The following DNAAF11 variants were observed in gnomAD, a reference collection of about 807,000 sequenced individuals.
DNAAF11 encodes leucine rich repeat containing 6.
Under a neutral mutation model 60.8 loss-of-function variants are expected in DNAAF11, and 45 were observed. That is an observed-to-expected ratio of 0.74 (90% CI 0.58 to 0.95). DNAAF11 has a LOEUF of 0.95. Among genes scored for constraint, DNAAF11 ranks in the 40% least tolerant of loss-of-function variants. DNAAF11 has a pLI of 0.00. For synonymous variants in DNAAF11, 191 were observed against 183.5 expected (o/e 1.04, Z -0.33); for missense variants, 546 against 546.2 (o/e 1.00, Z 0.00).
At chr8:132,643,520 A>T (rs975700133) in intron 3 of DNAAF11, 1 of 396,894 alleles carries the variant, frequency 2.5e-6, no homozygotes, top group Admixed American at 2.9e-5. Context: ...AGTTAATTCA[A>T]AAGACCAGTC....
At chr8:132,663,405 C>T (rs1824321036) in intron 1 of DNAAF11, among the ~76,000 whole-genome samples, 1 of 152,186 alleles carries the variant, frequency 6.6e-6, no homozygotes, top group Non-Finnish European at 1.5e-5. Flanking sequence ...GAGGATAGAG[C>T]AATGCTCCTG....
chr8:132,652,676 C>A (rs886866468), intron 3 of DNAAF11, among the ~76,000 whole-genome samples: 3 of 152,052 alleles, frequency 2.0e-5, no homozygotes, highest in Admixed American at 6.6e-5. Context: ...TCATTCTCAG[C>A]AAACTAACAC....
At chr8:132,637,327 C>A (rs181207756) in intron 4 of DNAAF11, among the ~76,000 whole-genome samples, 3 of 152,158 alleles carry the variant, frequency 2.0e-5, no homozygotes, top group Admixed American at 2.0e-4. Flanking sequence ...GTGAACCTGC[C>A]GGGCACGGTG....
chr8:132,654,326 C>T (rs1563691807), intron 3 of DNAAF11, among the ~76,000 whole-genome samples: 1 of 151,912 alleles, frequency 6.6e-6, no homozygotes, highest in Admixed American at 6.6e-5. Context: ...AACAATAATA[C>T]TTGGAGACAG....
At chr8:132,616,708 A>G (rs1819197424) in intron 7 of DNAAF11, among the ~76,000 whole-genome samples, 1 of 152,198 alleles carries the variant, frequency 6.6e-6, no homozygotes, top group Admixed American at 6.5e-5. Context: ...GATGTCAAAC[A>G]GCTAATTGTT....
intron 7 of DNAAF11, among the ~76,000 whole-genome samples, chr8:132,620,309 A>T (rs1256834186): frequency 6.6e-6 from 1 of 152,126 alleles, no homozygotes; most frequent in Non-Finnish European, 1.5e-5. Context: ...AAAGCTGAAG[A>T]CAAACGACAA....
In DNAAF11 at chr8:132,578,248, G is replaced by T. The variant is rs182009879; in HGVS notation, c.1226+5446C>A. Among the ~76,000 whole-genome samples the T allele has an allele frequency of 3.9e-5, 6 of 152,242 alleles. No homozygotes were observed. The East Asian group carries it at 1.2e-3, about 29-fold the overall frequency. On this transcript the variant is annotated intron_variant, in intron 11 of 11. Coordinates refer to ENST00000620350, the MANE Select transcript of DNAAF11 (RefSeq NM_012472.6). ...GAACTTAGCTAGTACATTGTTATCT[G>T]TGGCACAACTAATTCAGATGTTGTG... is the stretch of plus-strand genomic sequence containing the variant.
chr8:132,603,780 T>C (rs1474127086), intron 10 of DNAAF11, among the ~76,000 whole-genome samples: 2 of 152,078 alleles, frequency 1.3e-5, no homozygotes, highest in African/African-American at 4.8e-5. Context: ...GGGGAGACCT[T>C]TCAGAATGTT....
chr8:132,632,547 C>A (rs1820899098), intron 5 of DNAAF11, among the ~76,000 whole-genome samples, 193 bp downstream of exon 5: 1 of 152,052 alleles, frequency 6.6e-6, no homozygotes, highest in African/African-American at 2.4e-5. Context: ...GGAATTTTTC[C>A]CCCAAGGAAA....
intron 5 of DNAAF11, among the ~76,000 whole-genome samples, chr8:132,628,707 C>T (rs556091179): frequency 2.1e-4 from 32 of 152,234 alleles, no homozygotes; most frequent in African/African-American, 6.3e-4. Flanking sequence ...AGAATGTCTA[C>T]GTTTCTGTTC....
intron 11 of DNAAF11, chr8:132,578,421 G>A (rs146250931): frequency 1.1e-5 from 17 of 1,486,080 alleles, no homozygotes; most frequent in Middle Eastern, 1.7e-4. Flanking sequence ...TGCTTTCCCC[G>A]CCTTAATGTC....
rs78620801 is a variant in DNAAF11, at chr8:132,572,364, A to G, written c.1343T>C (p.Ile448Thr). The G allele has an allele frequency of 1.0e-3, 1,673 of 1,614,042 alleles. 27 individuals are homozygous for G. The East Asian group carries it at 0.034, about 32-fold the overall frequency. Residue 448 changes from isoleucine to threonine, a missense_variant, in exon 12 of 12, where the codon ATA (isoleucine) becomes ACA (threonine). Ile to Thr is a moderately conservative substitution (Grantham distance 89, BLOSUM62 -1). Coordinates refer to ENST00000620350, the MANE Select transcript of DNAAF11 (RefSeq NM_012472.6). The part of the protein sequence containing the change: ...TPRRRPEPKI[I>T]PSEEDPTFED... ...AAAGGTTGGGTCTTCCTCACTTGGT[A>G]TAATTTTGGGTTCAGGTCGTCTTCT...
chr8:132,590,969 T>C (rs543505232), intron 10 of DNAAF11, among the ~76,000 whole-genome samples: 2 of 152,342 alleles, frequency 1.3e-5, no homozygotes, highest in East Asian at 3.9e-4. Context: ...CCATTTTATG[T>C]GTGCACTATC....
At chr8:132,658,944 G>A (rs1046837552) in intron 2 of DNAAF11, among the ~76,000 whole-genome samples, 5 of 152,116 alleles carry the variant, frequency 3.3e-5, no homozygotes, top group African/African-American at 1.2e-4. Flanking sequence ...CTGAGTTCTA[G>A]CCAGACCATT....
At chr8:132,592,734 T>C (rs1816598372) in intron 10 of DNAAF11, among the ~76,000 whole-genome samples, 1 of 152,122 alleles carries the variant, frequency 6.6e-6, no homozygotes, top group African/African-American at 2.4e-5. Flanking sequence ...AAGAGATGAT[T>C]GTTATCTCTG....
At chr8:132,653,973 A>C (rs562521480) in intron 3 of DNAAF11, among the ~76,000 whole-genome samples, 1 of 152,118 alleles carries the variant, frequency 6.6e-6, no homozygotes, top group Non-Finnish European at 1.5e-5. Flanking sequence ...GATTGACAGG[A>C]TAGATTAAAA....
Position 132,638,066 on chromosome 8 carries a change from T to G in DNAAF11, c.298A>C (p.Ile100Leu). The change falls in exon 4 of 12, where the codon ATT (isoleucine) becomes CTT (leucine). Residue 100 changes from isoleucine (I) to leucine (L), a missense_variant. By Grantham distance (5) the Ile-to-Leu change is conservative (BLOSUM62 2). Coordinates refer to ENST00000620350, the MANE Select transcript of DNAAF11 (RefSeq NM_012472.6). ...TTTTTAATGCTGCTCAGCTCTCCAA[T>G]GAAATTCACAGTCAGGTCAAGTTTT... The part of the protein sequence containing the change: ...LAKLDLTVNF[I>L]GELSSIKNLQ... 1 of 1,614,146 alleles carries G rather than the reference T, an allele frequency of 6.2e-7. No homozygotes were observed. The highest frequency in any genetic ancestry group is 8.5e-7 in the Non-Finnish European group (1 of 1,180,000).
chr8:132,590,141 T>C (rs1229874513), intron 10 of DNAAF11, among the ~76,000 whole-genome samples: 1 of 152,274 alleles, frequency 6.6e-6, no homozygotes, highest in Non-Finnish European at 1.5e-5. Flanking sequence ...ACTATCACTA[T>C]CCACAGAACC....
the DNAAF11 span, among the ~76,000 whole-genome samples, chr8:132,681,945 G>GT: frequency 1.3e-5 from 2 of 152,174 alleles, no homozygotes; most frequent in African/African-American, 4.8e-5. Context: ...TATAAAATGG[G>GT]TAACACTAAA....
Sources: gnomAD v4.1 joint callset for allele counts (sites outside exome capture counted in the v4.1 genomes callset) on GRCh38, gnomAD v4.1.1 for gene constraint, MANE v1.5 for transcripts, NCBI Gene and HGNC (gene_info 2026-07-23, HGNC 2026-07-21) for gene names.